Variants in MAP1LC3A observed in about 807,000 individuals in gnomAD.
The protein encoded by MAP1LC3A is microtubule-associated protein 1 light chain 3 alpha.
MAP1LC3A carries 10 observed loss-of-function variants against 15.2 expected under a neutral mutation model. That is an observed-to-expected ratio of 0.66 (90% confidence interval 0.41 to 1.12). The LOEUF is 1.12. Among genes scored for constraint, MAP1LC3A ranks in the 50% most tolerant of loss-of-function variants. The pLI is 0.00. For synonymous variants in MAP1LC3A, 63 were observed against 64.3 expected (o/e 0.98, Z 0.10); for missense variants, 138 against 167.3 (o/e 0.82, Z 0.97).
rs777582656 is a variant in MAP1LC3A at position 34,558,924 on chromosome 20, C to T, written c.40+16C>T. ...CGGAGCTTCGGTGAGGCCCGGCAGG[C>T]GAGCTGCGAGCTCTGGGGCAGGGGT... On this transcript the variant is annotated intron_variant, in intron 1 of 3. Coordinates refer to ENST00000360668, the MANE Select transcript of MAP1LC3A (RefSeq NM_032514.4). This position sits in a 1 kb window ranked among gnomAD's most constrained non-coding sequence, Gnocchi z 4.3. 1.4e-6 allele frequency: 2 copies of T among 1,382,210 alleles called. No individual in the cohort carries two copies. Among genetic ancestry groups the T allele is most frequent in the South Asian group, 1.6e-5 (1 of 63,030 alleles). 85.6% of individuals were successfully genotyped at this position (1,382,210 alleles called of 1,614,324 possible). A position where few individuals can be genotyped will look rare whatever the true frequency, so the allele number is the denominator to read the frequency against.
chr20:34,549,696 A>G (rs1170535487), intron 1 of MAP1LC3A, among the ~76,000 whole-genome samples: 1 of 152,206 alleles, frequency 6.6e-6, no homozygotes, highest in African/African-American at 2.4e-5. Flanking sequence ...ATAGCTAGAA[A>G]ATGGGCGGTA....
At chr20:34,548,347 C>T (rs962988099) in intron 1 of MAP1LC3A, among the ~76,000 whole-genome samples, 7 of 152,270 alleles carry the variant, frequency 4.6e-5, no homozygotes, top group South Asian at 2.1e-4. Context: ...CTGGAGGCTG[C>T]GAAGGCCGCG....
At chr20:34,549,263 T>C (rs1307525329) in intron 1 of MAP1LC3A, among the ~76,000 whole-genome samples, 1 of 152,094 alleles carries the variant, frequency 6.6e-6, no homozygotes, top group Non-Finnish European at 1.5e-5. Context: ...TGACCTCAGG[T>C]GATCAGACCA....
chr20:34,557,982 A>G, upstream of MAP1LC3A: 2 of 638,244 alleles, frequency 3.1e-6, no homozygotes, highest in Non-Finnish European at 3.8e-6. Context: ...TCTGCTCTGG[A>G]TTTTAAGCAT....
At chr20:34,551,071 C>A (rs1427301157) in intron 2 of MAP1LC3A, among the ~76,000 whole-genome samples, 1 of 151,872 alleles carries the variant, frequency 6.6e-6, no homozygotes, top group Non-Finnish European at 1.5e-5. Context: ...TATAGTGAAA[C>A]CCTGTCTCTA....
chr20:34,556,981 A>G (rs1982185536), upstream of MAP1LC3A, among the ~76,000 whole-genome samples: 1 of 152,128 alleles, frequency 6.6e-6, no homozygotes, highest in Non-Finnish European at 1.5e-5. Context: ...TCCTCGCATC[A>G]TTTCATGTTG....
At chr20:34,555,904 G>T (rs189204404), upstream of MAP1LC3A, among the ~76,000 whole-genome samples, 29 of 150,292 alleles carry the variant, frequency 1.9e-4, no homozygotes, top group African/African-American at 6.9e-4. Context: ...GTGCAGTGGC[G>T]CGATCTCCAT....
intron 1 of MAP1LC3A, among the ~76,000 whole-genome samples, chr20:34,548,051 G>T (rs1031622474): frequency 6.6e-6 from 1 of 152,114 alleles, no homozygotes; most frequent in South Asian, 2.1e-4. Context: ...CAGGTGGGAC[G>T]ACACAGATGG....
Position 34,558,866 on chromosome 20 carries a change from G to T in MAP1LC3A, c.-3G>T, listed in dbSNP as rs1347985208. The T allele has an allele frequency of 2.8e-6, 4 of 1,438,882 alleles. No homozygotes were observed. Among genetic ancestry groups the T allele is most frequent in the Non-Finnish European group, 9.1e-7 (1 of 1,102,048 alleles). 89.1% of individuals were successfully genotyped at this position (1,438,882 alleles called of 1,614,324 possible). ...GGCCTGCGCGCCCAGCCGGGCCCGC[G>T]CGATGCCCTCAGACCGGCCTTTCAA... On this transcript the variant is annotated 5_prime_UTR_variant, in exon 1 of 4. Transcript: ENST00000360668. This position sits in a 1 kb window ranked among gnomAD's most constrained non-coding sequence, Gnocchi z 4.3.
Position 34,548,004 on chromosome 20 carries a change from C to G in MAP1LC3A, c.-74+1088C>G, listed in dbSNP as rs542003831. 2.0e-5 allele frequency among the ~76,000 whole-genome samples: 3 copies of G among 151,428 alleles called. No homozygotes were observed. The East Asian group carries it at 5.8e-4, about 29-fold the overall frequency. The stretch of plus-strand genomic sequence containing the variant: ...CTGGTGAGGTGCCCTCTAGGGCAGA[C>G]GAGGGAGGGGGGTTCCCGGAGCAGT... On this transcript the variant is annotated intron_variant, in intron 1 of 4. Transcript: ENST00000374837.
upstream of MAP1LC3A, chr20:34,558,205 T>C: frequency 3.1e-6 from 3 of 976,958 alleles, no homozygotes; most frequent in Non-Finnish European, 3.6e-6. The surrounding 1 kb of genome is among the most constrained non-coding windows in gnomAD (Gnocchi z 4.3). Flanking sequence ...CACCTCATCC[T>C]CTGAGACCTG....
At chr20:34,559,544 T>C in intron 3 of MAP1LC3A, 91 bp downstream of exon 3, 4 of 1,330,218 alleles carry the variant, frequency 3.0e-6, no homozygotes, top group Non-Finnish European at 4.2e-6. Flanking sequence ...TCAGGGGTGA[T>C]GGGACCGGGC....
At chr20:34,559,153 C>T (rs1358531269) in intron 1 of MAP1LC3A, 55 bp from the exon 2 acceptor site, 3 of 1,472,076 alleles carry the variant, frequency 2.0e-6, no homozygotes, top group East Asian at 2.5e-5. Flanking sequence ...CCGGGACAGG[C>T]GGGGCGGACC....
chr20:34,557,942 CA>C (rs915113814), upstream of MAP1LC3A, among the ~76,000 whole-genome samples: 1 of 148,882 alleles, frequency 6.7e-6, no homozygotes, highest in Non-Finnish European at 1.5e-5. Flanking sequence ...CCCCCTCCCC[CA>C]AAAAAATGTT....
exon 2 of MAP1LC3A, chr20:34,549,949 G>T: frequency 2.5e-6 from 4 of 1,611,222 alleles, no homozygotes; most frequent in Non-Finnish European, 3.4e-6. Flanking sequence ...CACCTCAGAG[G>T]TAGTTCTGAC....
chr20:34,547,287 T>C (rs1015116186), intron 1 of MAP1LC3A, among the ~76,000 whole-genome samples: 1 of 151,914 alleles, frequency 6.6e-6, no homozygotes, highest in Non-Finnish European at 1.5e-5. Flanking sequence ...AAGAGGGAGT[T>C]GGGACTTTTG....
At chr20:34,559,321 C>A in intron 2 of MAP1LC3A, 26 bp from the exon 3 acceptor site, 2 of 1,577,084 alleles carry the variant, frequency 1.3e-6, no homozygotes, top group Non-Finnish European at 1.7e-6. Context: ...CCGACACGAC[C>A]CCCTGCCCGC....
At chr20:34,557,990 C>A (rs1982223546), upstream of MAP1LC3A, 1 of 696,604 alleles carries the variant, frequency 1.4e-6, no homozygotes, top group Non-Finnish European at 1.8e-6. Context: ...GGATTTTAAG[C>A]ATCATTTCTG....
upstream of MAP1LC3A, among the ~76,000 whole-genome samples, chr20:34,557,749 A>G (rs1982212168): frequency 6.6e-6 from 1 of 151,960 alleles, no homozygotes; most frequent in Non-Finnish European, 1.5e-5. Context: ...ACATGGTGAA[A>G]CTCCATCTCT....
Sources: gnomAD v4.1 joint callset for allele counts (sites outside exome capture counted in the v4.1 genomes callset) on GRCh38, gnomAD v4.1.1 for gene constraint, Gnocchi (gnomAD v3.1) non-coding constraint, MANE v1.5 for transcripts, NCBI Gene and HGNC (gene_info 2026-07-23, HGNC 2026-07-21) for gene names.